Variants in IQCJ observed in about 807,000 individuals in gnomAD.
IQCJ encodes IQ motif containing J, also known as IQ domain-containing protein J.
Under a neutral mutation model 11.0 loss-of-function variants are expected in IQCJ, and 9 were observed. The observed-to-expected ratio is 0.82, with a 90% CI of 0.49 to 1.43. The LOEUF is 1.43. IQCJ is among the 40% of genes most tolerant of loss of function. The probability of loss-of-function intolerance (pLI) is 0.00; values close to 1 mark genes in which losing one functional copy is unlikely to be tolerated. For missense variants in IQCJ, 146 were observed against 133.2 expected (o/e 1.10, Z -0.47); for synonymous variants, 55 against 51.3 (o/e 1.07, Z -0.31).
chr3:159,153,451 G>A (rs1721343022), intron 1 of IQCJ, among the ~76,000 whole-genome samples: 1 of 152,140 alleles, frequency 6.6e-6, no homozygotes. Context: ...AAGAGGGCTG[G>A]TTATCATAGC....
At chr3:159,238,244 T>C (rs1190052619) in intron 1 of IQCJ, among the ~76,000 whole-genome samples, 1 of 152,176 alleles carries the variant, frequency 6.6e-6, no homozygotes, top group African/African-American at 2.4e-5. Context: ...ATTCAACTTC[T>C]TTCTTCTGCT....
intron 1 of IQCJ, among the ~76,000 whole-genome samples, chr3:159,216,993 C>T (rs530458815): frequency 1.6e-4 from 25 of 152,148 alleles, no homozygotes; most frequent in Non-Finnish European, 2.9e-4. Flanking sequence ...AATTTGAGTA[C>T]TCTGAATTGA....
At chr3:159,170,440 C>A (rs1198264633) in intron 1 of IQCJ, among the ~76,000 whole-genome samples, 1 of 152,152 alleles carries the variant, frequency 6.6e-6, no homozygotes, top group East Asian at 1.9e-4. Flanking sequence ...CTAATTGGGG[C>A]AGTTCTAAAA....
chr3:159,150,055 ACTT>A (rs1470049998), intron 1 of IQCJ, among the ~76,000 whole-genome samples: 3 of 151,956 alleles, frequency 2.0e-5, no homozygotes, highest in Non-Finnish European at 1.5e-5. Flanking sequence ...GCTTTTATCT[ACTT>A]CTTTATCCTT....
Position 159,216,358 on chromosome 3 carries a change from G to A in IQCJ, c.10-29485G>A, listed in dbSNP as rs78391210. ...AATGCTATTTCTCCTCCTGGAATAC[G>A]CATAAAGAAAATTCATAATTACTTT... On this transcript the variant is annotated intron_variant, in intron 1 of 3. Transcript: ENST00000397832. 2.2e-4 allele frequency among the ~76,000 whole-genome samples: 34 copies of A among 152,140 alleles called. No homozygotes were observed. In the East Asian group the frequency reaches 5.4e-3, roughly 24 times the overall value.
chr3:159,169,716 A>G (rs1360542796), intron 1 of IQCJ, among the ~76,000 whole-genome samples: 1 of 152,130 alleles, frequency 6.6e-6, no homozygotes, highest in African/African-American at 2.4e-5. Context: ...TCCAGCTTAG[A>G]TCAGTTGGAC....
At chr3:159,148,188 G>A (rs992989368) in intron 1 of IQCJ, among the ~76,000 whole-genome samples, 1 of 152,190 alleles carries the variant, frequency 6.6e-6, no homozygotes, top group Non-Finnish European at 1.5e-5. Context: ...TATGGATTCT[G>A]TGTCTCTTTA....
chr3:159,139,095 C>A (rs373628617), intron 1 of IQCJ, among the ~76,000 whole-genome samples: 62 of 152,116 alleles, frequency 4.1e-4, no homozygotes, highest in African/African-American at 1.5e-3. Flanking sequence ...ATATTCATAT[C>A]TTTATAAAAT....
intron 1 of IQCJ, among the ~76,000 whole-genome samples, chr3:159,203,587 G>C (rs946437617): frequency 1.3e-5 from 2 of 152,024 alleles, no homozygotes; most frequent in African/African-American, 4.8e-5. Flanking sequence ...GTCTCCACAA[G>C]GCACTGTTAA....
chr3:159,209,591 C>A (rs1560026419), intron 1 of IQCJ, among the ~76,000 whole-genome samples: 1 of 152,164 alleles, frequency 6.6e-6, no homozygotes, highest in African/African-American at 2.4e-5. Flanking sequence ...TAACACACGT[C>A]CTCTGGGGCT....
At chr3:159,091,729 A>T (rs1007287718) in intron 1 of IQCJ, among the ~76,000 whole-genome samples, 1 of 149,922 alleles carries the variant, frequency 6.7e-6, no homozygotes, top group African/African-American at 2.5e-5. Flanking sequence ...AGCTTGAAGG[A>T]CTTCCTTTGG....
chr3:159,209,181 C>T (rs1022229538), intron 1 of IQCJ, among the ~76,000 whole-genome samples: 1 of 152,124 alleles, frequency 6.6e-6, no homozygotes, highest in Non-Finnish European at 1.5e-5. Context: ...AGGGGTGTGG[C>T]AGAGAAGAAG....
chr3:159,069,611 T>C, intron 1 of IQCJ, 170 bp downstream of exon 1: 1 of 862,924 alleles, frequency 1.2e-6, no homozygotes, highest in Non-Finnish European at 1.7e-6. Context: ...GCATGTGTCC[T>C]TGTTAATGTA....
At chr3:159,148,183 A>G (rs553874107) in intron 1 of IQCJ, among the ~76,000 whole-genome samples, 1 of 152,286 alleles carries the variant, frequency 6.6e-6, no homozygotes, top group East Asian at 1.9e-4. Flanking sequence ...TTTCCTATGG[A>G]TTCTGTGTCT....
At chr3:159,207,931 C>T (rs746891713) in intron 1 of IQCJ, among the ~76,000 whole-genome samples, 2 of 152,228 alleles carry the variant, frequency 1.3e-5, no homozygotes, top group Non-Finnish European at 2.9e-5. Flanking sequence ...TGTACACATT[C>T]GAACAAAGCA....
chr3:159,247,309 T>C (rs1216602931), intron 2 of IQCJ, among the ~76,000 whole-genome samples: 1 of 152,046 alleles, frequency 6.6e-6, no homozygotes, highest in African/African-American at 2.4e-5. Context: ...GTTGCCAGGC[T>C]GGTCTCAAAC....
chr3:159,239,461 G>A (rs1051707926), intron 1 of IQCJ, among the ~76,000 whole-genome samples: 5 of 151,206 alleles, frequency 3.3e-5, no homozygotes, highest in African/African-American at 1.2e-4. Context: ...TAAGTCCCCA[G>A]AGAAAAAAAA....
chr3:159,151,357 T>A (rs1721205128), intron 1 of IQCJ, among the ~76,000 whole-genome samples: 1 of 152,182 alleles, frequency 6.6e-6, no homozygotes, highest in African/African-American at 2.4e-5. Flanking sequence ...GAATCCAGCC[T>A]ATTTGGCCTG....
chr3:159,203,357 A>G, intron 1 of IQCJ, among the ~76,000 whole-genome samples: 1 of 151,078 alleles, frequency 6.6e-6, no homozygotes, highest in Non-Finnish European at 1.5e-5. Context: ...AAGAGTGATA[A>G]GAATTCAAAT....
Sources: gnomAD v4.1 joint callset for allele counts (sites outside exome capture counted in the v4.1 genomes callset) on GRCh38, gnomAD v4.1.1 for gene constraint, MANE v1.5 for transcripts, NCBI Gene and HGNC (gene_info 2026-07-23, HGNC 2026-07-21) for gene names.